The following FBN2 variants were observed in gnomAD, a reference collection of about 807,000 sequenced individuals.
The protein encoded by FBN2 is fibrillin-2.
Under a neutral mutation model 355.6 loss-of-function variants are expected in FBN2, and 105 were observed. The observed-to-expected ratio is 0.30, with a 90% CI of 0.25 to 0.35. The LOEUF is 0.35. Ranked by LOEUF, FBN2 falls within the 10% of genes least tolerant of loss-of-function variation. The pLI is 1.00. For synonymous variants in FBN2, 1,350 were observed against 1,301.2 expected (o/e 1.04, Z -0.81); for missense variants, 3,280 against 3,758.7 (o/e 0.87, Z 3.33).
At chr5:128,468,739 G>T (rs930648501) in intron 5 of FBN2, among the ~76,000 whole-genome samples, 22 of 152,066 alleles carry the variant, frequency 1.4e-4, no homozygotes, top group African/African-American at 5.1e-4. Flanking sequence ...AATTAGAGAT[G>T]ATAAATCATG....
intron 48 of FBN2, among the ~76,000 whole-genome samples, chr5:128,298,215 C>G (rs1171517072): frequency 6.6e-5 from 10 of 152,100 alleles, no homozygotes; most frequent in African/African-American, 2.2e-4. Flanking sequence ...CGCTGTTAGT[C>G]TGATGGGCTT....
At chr5:128,532,964 CGA>C (rs1186181628) in intron 2 of FBN2, among the ~76,000 whole-genome samples, 6 of 152,048 alleles carry the variant, frequency 3.9e-5, no homozygotes, top group African/African-American at 1.4e-4. Context: ...AGCTTGAGCC[CGA>C]GAGGTCAAGG....
intron 48 of FBN2, among the ~76,000 whole-genome samples, chr5:128,294,976 G>A (rs868803843): frequency 6.8e-5 from 10 of 147,954 alleles, no homozygotes; most frequent in Admixed American, 1.4e-4. Flanking sequence ...TAGGTCTAAC[G>A]TTTAAGTCTT....
chr5:128,486,935 G>C (rs1755353922), intron 5 of FBN2, among the ~76,000 whole-genome samples: 1 of 152,068 alleles, frequency 6.6e-6, no homozygotes, highest in South Asian at 2.1e-4. Flanking sequence ...TCCCTACAAA[G>C]GACATGAACT....
rs1765026341 is a variant in FBN2 at position 128,263,370 on chromosome 5, AACTC to A, written c.8192+51_8192+54del. Reference sequence around the variant, plus strand: ...CTTCCCTGCAGTGGGGGGTGGCCTGAACTCACTCAGGAACCATGTATTCCTCTAT... The same window carrying A: ...CTTCCCTGCAGTGGGGGGTGGCCTGAACTCAGGAACCATGTATTCCTCTAT... On this transcript the variant is annotated intron_variant, in intron 63 of 64. Coordinates refer to ENST00000262464, the MANE Select transcript of FBN2 (RefSeq NM_001999.4). 5.9e-6 allele frequency: 8 copies of A among 1,366,426 alleles called. No individual in the cohort carries two copies. The South Asian group carries it at 8.2e-5, about 14-fold the overall frequency. 84.6% of individuals were successfully genotyped at this position (1,366,426 alleles called of 1,614,324 possible).
Position 128,297,013 on chromosome 5 carries a change from G to A in FBN2, c.6166+3804C>T, listed in dbSNP as rs1049747425. On this transcript the variant is annotated intron_variant, in intron 48 of 64. Transcript: ENST00000262464. ...TCCCTCTACACACTGCTTTGAATGT[G>A]TCCCAGAGATTCTGGTATGTTGTGT... Among the ~76,000 whole-genome samples the A allele has an allele frequency of 1.8e-4, 27 of 152,188 alleles. No individual in the cohort carries two copies. In the South Asian group the frequency reaches 5.7e-3, roughly 32 times the overall value.
chr5:128,309,211 T>C (rs200725141), intron 41 of FBN2, 36 bp downstream of exon 41: 185 of 1,608,690 alleles, frequency 1.2e-4, no homozygotes, highest in Non-Finnish European at 1.5e-4. Flanking sequence ...GTATCACTGA[T>C]GTGGCAGTCA....
rs182159830 is a variant in FBN2 at position 128,272,177 on chromosome 5, C to T, written c.7841-59G>A. The T allele has an allele frequency of 3.5e-5, 56 of 1,603,566 alleles. No individual in the cohort carries two copies. In the African/African-American group the frequency reaches 7.4e-4, roughly 21 times the overall value. ...ACCTTTCTTCTACTATTTTTAAATG[C>T]ACTCCAAACGAAACCTGGGGTAACT... On this transcript the variant is annotated intron_variant, in intron 61 of 64. Coordinates refer to ENST00000262464, the MANE Select transcript of FBN2 (RefSeq NM_001999.4).
chr5:128,290,791 C>T lies in FBN2; in HGVS notation c.6386G>A (p.Ser2129Asn). The T allele has an allele frequency of 6.2e-7, 1 of 1,614,170 alleles. No homozygotes were observed. Among genetic ancestry groups the T allele is most frequent in the Non-Finnish European group, 8.5e-7 (1 of 1,179,990 alleles). ...FNTTKAKCCCSKMPGEGWGDP... is the reference protein window; with the variant it reads ...FNTTKAKCCCNKMPGEGWGDP... ...CCCCCAGCCCTCTCCTGGCATCTTA[C>T]TACAGCAGCATTTTGCTTTTGTGGT... Residue 2129 changes from serine (S) to asparagine (N), a missense_variant, in exon 50 of 65, where the codon AGT becomes AAT. By Grantham distance (46) the Ser-to-Asn change is conservative (BLOSUM62 1). Transcript: ENST00000262464.
rs115736330 is a variant in FBN2 at position 128,339,325 on chromosome 5, C to T, written c.3344-264G>A. 15,546 of 406,298 alleles carry T rather than the reference C, an allele frequency of 0.038. 434 individuals carry two copies. The highest frequency in any genetic ancestry group is 0.05 in the Non-Finnish European group (10,724 of 213,818). 25.2% of individuals were successfully genotyped at this position (406,298 alleles called of 1,614,324 possible). ...GTATTTGTTTTTGTGGCTTAGAAAT[C>T]GTAACAGAAAAGGGGGGCATGGTGA... On this transcript the variant is annotated intron_variant, in intron 25 of 64. Transcript: ENST00000262464.
At chr5:128,339,652 T>A (rs865996859) in intron 25 of FBN2, among the ~76,000 whole-genome samples, 11 of 152,296 alleles carry the variant, frequency 7.2e-5, no homozygotes, top group Middle Eastern at 6.8e-3. Context: ...TGGTATGGGC[T>A]GAATGAGGCA....
At chr5:128,375,996 A>C (rs1048566978) in intron 14 of FBN2, among the ~76,000 whole-genome samples, 5 of 152,260 alleles carry the variant, frequency 3.3e-5, no homozygotes, top group Middle Eastern at 6.8e-3. Flanking sequence ...AGATTGTGCC[A>C]CTACACTCCA....
At chr5:128,277,124 C>A (rs1048633464) in intron 58 of FBN2, among the ~76,000 whole-genome samples, 1 of 152,052 alleles carries the variant, frequency 6.6e-6, no homozygotes, top group South Asian at 2.1e-4. Flanking sequence ...CCTTTTAATG[C>A]CAAGTGTGCT....
chr5:128,280,166 T>C, intron 56 of FBN2, 26 bp downstream of exon 56: 3 of 1,598,818 alleles, frequency 1.9e-6, no homozygotes, highest in Non-Finnish European at 2.6e-6. Flanking sequence ...ATCTACCAAG[T>C]ATAATATATT....
chr5:128,342,402 C>T (rs776789625), intron 25 of FBN2, among the ~76,000 whole-genome samples: 2 of 151,970 alleles, frequency 1.3e-5, no homozygotes, highest in Non-Finnish European at 2.9e-5. Flanking sequence ...GATGAGTATA[C>T]ATGTATGTGC....
chr5:128,286,779 G>A lies in FBN2; in HGVS notation c.6951C>T (p.Gly2317=), dbSNP rs779591152. The part of the protein sequence containing the change: ...SRGMMCKNLI[G]TFMCICPPGM... ...CAGGAGGGCAGATGCACATGAAGGTGCCGATTAGATTCTTACACATCATGC... is the reference window on the plus strand; with the variant it reads ...CAGGAGGGCAGATGCACATGAAGGTACCGATTAGATTCTTACACATCATGC... Residue 2317 remains glycine (G), a synonymous_variant, in exon 55 of 65, where the codon GGC becomes GGT. Transcript: ENST00000262464. 1 of 1,614,078 alleles carries A rather than the reference G, an allele frequency of 6.2e-7. No individual in the cohort carries two copies. Among genetic ancestry groups the A allele is most frequent in the Non-Finnish European group, 8.5e-7 (1 of 1,179,926 alleles).
At chr5:128,380,540 C>T (rs331090) in intron 11 of FBN2, among the ~76,000 whole-genome samples, 67,909 of 151,846 alleles carry the variant, frequency 0.45, 16,205 homozygotes, top group Non-Finnish European at 0.56. Context: ...ACTACAACCA[C>T]AATTCACTTC....
intron 62 of FBN2, among the ~76,000 whole-genome samples, chr5:128,269,428 C>T (rs545444775): frequency 1.9e-4 from 28 of 150,658 alleles, no homozygotes; most frequent in Admixed American, 7.9e-4. Context: ...CACTGCACTC[C>T]GGCCTGGGCG....
chr5:128,459,934 A>G (rs955073921), intron 6 of FBN2, among the ~76,000 whole-genome samples: 4 of 152,220 alleles, frequency 2.6e-5, no homozygotes, highest in African/African-American at 9.6e-5. Flanking sequence ...CACCACTCCT[A>G]TTCAACATAG....
Sources: gnomAD v4.1 joint callset for allele counts (sites outside exome capture counted in the v4.1 genomes callset) on GRCh38, gnomAD v4.1.1 for gene constraint, MANE v1.5 for transcripts, NCBI Gene and HGNC (gene_info 2026-07-23, HGNC 2026-07-21) for gene names.